Variants in ATP8A2 observed in about 807,000 individuals in gnomAD.
ATP8A2 encodes the protein ATPase phospholipid transporting 8A2.
ATP8A2 carries 100 observed loss-of-function variants against 165.6 expected under a neutral mutation model. That is an observed-to-expected ratio of 0.60 (90% CI 0.51 to 0.71). The LOEUF (loss-of-function observed/expected upper bound fraction) is 0.71, where lower values mean the gene tolerates loss of function less well. Among genes scored for constraint, ATP8A2 ranks in the 30% least tolerant of loss-of-function variants. The pLI is 0.00. For synonymous variants in ATP8A2, 543 were observed against 548.8 expected (o/e 0.99, Z 0.15); for missense variants, 1,227 against 1,479.5 (o/e 0.83, Z 2.80).
intron 33 of ATP8A2, among the ~76,000 whole-genome samples, chr13:25,892,068 G>T (rs577065361): frequency 6.6e-6 from 1 of 151,438 alleles, no homozygotes; most frequent in South Asian, 2.1e-4. Flanking sequence ...CTCACTGCAA[G>T]CTCCACCTCC....
At chr13:25,625,058 G>A (rs1220290066) in intron 24 of ATP8A2, among the ~76,000 whole-genome samples, 1 of 152,080 alleles carries the variant, frequency 6.6e-6, no homozygotes, top group Non-Finnish European at 1.5e-5. Flanking sequence ...CACATTTTGG[G>A]GGATCTTTAA....
rs914751927 is a variant in ATP8A2, at chr13:25,828,045, G to A, written c.2680-73G>A. The A allele has an allele frequency of 3.7e-5, 45 of 1,219,922 alleles. No homozygotes were observed. The Middle Eastern group carries it at 5.6e-4, about 15-fold the overall frequency. 75.6% of individuals were successfully genotyped at this position (1,219,922 alleles called of 1,614,324 possible). On this transcript the variant is annotated intron_variant, in intron 27 of 36. Transcript: ENST00000381655. The stretch of plus-strand genomic sequence containing the variant: ...TGTCCAGCTGGTGGTCCACATTCCC[G>A]CTACTTCTTCAGTGAATGGAAACAT...
At position 25,835,005 on chromosome 13, in the gene ATP8A2, G is replaced by A. The variant is rs74612253; in HGVS notation, c.2755-2158G>A. ...TAACGTGTGTGTGTGTGTGTGTGTA[G>A]TATGGTATAGGCAGAGTGGAAAATA... is the stretch of plus-strand genomic sequence containing the variant. On this transcript the variant is annotated intron_variant, in intron 28 of 36. Coordinates refer to ENST00000381655, the MANE Select transcript of ATP8A2 (RefSeq NM_016529.6). Among the ~76,000 whole-genome samples, 1,053 of 142,360 alleles carry A rather than the reference G, an allele frequency of 7.4e-3. 6 individuals are homozygous for A. Among genetic ancestry groups the A allele is most frequent in the African/African-American group, 0.026 (996 of 38,862 alleles). 93.4% of individuals were successfully genotyped at this position (142,360 alleles called of 152,430 possible).
At chr13:25,610,459 G>A (rs1292874952) in intron 24 of ATP8A2, among the ~76,000 whole-genome samples, 1 of 152,088 alleles carries the variant, frequency 6.6e-6, no homozygotes, top group Non-Finnish European at 1.5e-5. Context: ...TCTGTATTCT[G>A]TTTCATTGGT....
intron 33 of ATP8A2, among the ~76,000 whole-genome samples, chr13:25,959,208 T>C (rs769003968): frequency 8.5e-5 from 13 of 152,154 alleles, no homozygotes; most frequent in Non-Finnish European, 1.8e-4. Flanking sequence ...GTTTTCTTGG[T>C]TGGGGAGAGA....
At chr13:25,826,613 G>C (rs186582959) in intron 27 of ATP8A2, among the ~76,000 whole-genome samples, 2 of 152,176 alleles carry the variant, frequency 1.3e-5, no homozygotes, top group Non-Finnish European at 2.9e-5. Context: ...TTGTCATGGT[G>C]TCTGTTCTAT....
intron 27 of ATP8A2, among the ~76,000 whole-genome samples, chr13:25,786,298 G>C (rs115176388): frequency 5.8e-4 from 89 of 152,144 alleles, no homozygotes; most frequent in Non-Finnish European, 9.4e-4. Flanking sequence ...TAACTTCTCA[G>C]TTCCAATGTC....
chr13:26,006,651 T>A (rs1956746242), intron 35 of ATP8A2, among the ~76,000 whole-genome samples: 3 of 152,132 alleles, frequency 2.0e-5, no homozygotes, highest in African/African-American at 7.2e-5. Flanking sequence ...TGGGTTTTTT[T>A]AAATTAATGC....
chr13:25,381,921 GTGA>G (rs750081559), intron 1 of ATP8A2, among the ~76,000 whole-genome samples: 2 of 152,188 alleles, frequency 1.3e-5, no homozygotes, highest in South Asian at 2.1e-4. Flanking sequence ...TGTAAACATT[GTGA>G]TGATGTCTGT....
chr13:25,836,259 AG>A (rs1237892277), intron 28 of ATP8A2, among the ~76,000 whole-genome samples: 1 of 152,286 alleles, frequency 6.6e-6, no homozygotes, highest in Admixed American at 6.5e-5. Flanking sequence ...TCTTAGCACA[AG>A]TAACTCCATT....
chr13:25,399,381 T>C (rs1271305350), intron 1 of ATP8A2, among the ~76,000 whole-genome samples: 2 of 139,888 alleles, frequency 1.4e-5, no homozygotes, highest in Admixed American at 1.6e-4. Flanking sequence ...AAGATCCTGA[T>C]TTCTTAGTGG....
intron 25 of ATP8A2, among the ~76,000 whole-genome samples, chr13:25,706,593 G>T (rs2043059090): frequency 6.6e-6 from 1 of 152,144 alleles, no homozygotes; most frequent in Non-Finnish European, 1.5e-5. Flanking sequence ...AATTAGAATT[G>T]TACCACCAAT....
chr13:25,822,203 C>T (rs1176551062), intron 27 of ATP8A2, among the ~76,000 whole-genome samples: 1 of 152,044 alleles, frequency 6.6e-6, no homozygotes, highest in Admixed American at 6.6e-5. Context: ...TTTCTTTAAC[C>T]AGCTTTCAAT....
intron 27 of ATP8A2, among the ~76,000 whole-genome samples, chr13:25,793,880 C>G (rs1232752233): frequency 2.6e-5 from 4 of 152,144 alleles, no homozygotes; most frequent in African/African-American, 9.7e-5. Flanking sequence ...CAATTCCCCA[C>G]CCCAGTTCTT....
intron 33 of ATP8A2, among the ~76,000 whole-genome samples, chr13:25,941,089 T>C (rs1490121883): frequency 2.0e-5 from 3 of 152,156 alleles, no homozygotes; most frequent in Non-Finnish European, 4.4e-5. Flanking sequence ...TCGAGAACTT[T>C]CTGACTCCTC....
chr13:25,926,167 ACT>A (rs1954600105), intron 33 of ATP8A2, among the ~76,000 whole-genome samples: 2 of 151,994 alleles, frequency 1.3e-5, no homozygotes, highest in South Asian at 2.1e-4. Flanking sequence ...AGACTTAAAG[ACT>A]CTCCACAATC....
intron 33 of ATP8A2, among the ~76,000 whole-genome samples, chr13:25,933,272 A>T (rs1456344304): frequency 6.6e-6 from 1 of 151,970 alleles, no homozygotes; most frequent in Non-Finnish European, 1.5e-5. Flanking sequence ...CTTGGCGGGG[A>T]TGTTCTTGGA....
rs993615657 is a variant in ATP8A2, at chr13:25,518,304, T to G, written c.222-11695T>G. ...CGGGAGCCTGCTAGGATGGAAGGCT[T>G]CCAGGACATGGGCATGGAATGCTGG... On this transcript the variant is annotated intron_variant, in intron 2 of 36. Transcript: ENST00000381655. 7.2e-5 allele frequency among the ~76,000 whole-genome samples: 11 copies of G among 152,196 alleles called. 1 individual carries two copies. The highest frequency in any genetic ancestry group is 6.5e-4 in the Admixed American group (10 of 15,282).
intron 25 of ATP8A2, among the ~76,000 whole-genome samples, chr13:25,706,915 A>G (rs1286348645): frequency 6.6e-6 from 1 of 152,126 alleles, no homozygotes; most frequent in Non-Finnish European, 1.5e-5. Flanking sequence ...TGTTTGAATG[A>G]TTACAGCAAT....
Sources: allele counts gnomAD v4.1 joint callset (sites outside exome capture counted in the v4.1 genomes callset), GRCh38; gene constraint gnomAD v4.1.1; transcripts MANE v1.5; gene names NCBI Gene and HGNC (gene_info 2026-07-23, HGNC 2026-07-21).